The following CPLX4 variants were observed in gnomAD, a reference collection of about 807,000 sequenced individuals.
CPLX4 encodes complexin-4.
A neutral mutation model predicts 16.1 loss-of-function variants in CPLX4; 17 were observed. That is an observed-to-expected ratio of 1.06 (90% CI 0.72 to 1.59). The LOEUF (loss-of-function observed/expected upper bound fraction) is 1.59, where lower values mean the gene tolerates loss of function less well. Among genes scored for constraint, CPLX4 ranks in the 40% most tolerant of loss-of-function variants. CPLX4 has a pLI of 0.00. For missense variants in CPLX4, 193 were observed against 192.9 expected (o/e 1.00, Z 0.00); for synonymous variants, 55 against 57.8 (o/e 0.95, Z 0.22).
Position 59,312,702 on chromosome 18 carries a change from T to C in CPLX4, c.238A>G (p.Lys80Glu). The C allele has an allele frequency of 7.3e-7, 1 of 1,369,340 alleles. No individual in the cohort carries two copies. Among genetic ancestry groups the C allele is most frequent in the Non-Finnish European group, 1.0e-6 (1 of 956,530 alleles). The allele number at this position is 1,369,340 out of a possible 1,614,324, so 84.8% of individuals were successfully genotyped here. The change falls in exon 2 of 3, where the codon AAA becomes GAA. Residue 80 changes from lysine to glutamate, a missense_variant. Lys to Glu is a moderately conservative substitution (Grantham distance 56, BLOSUM62 1). Coordinates refer to ENST00000299721, the MANE Select transcript of CPLX4 (RefSeq NM_181654.4). The part of the protein sequence containing the change: ...RACLRVHLRE[K>E]YRLPKSEMDE... The stretch of plus-strand genomic sequence containing the variant: ...TGTCTTACCTTTGGGAGCCTGTATT[T>C]TTCTCTGAGATGAACTCTGAGGCAT...
intron 2 of CPLX4, among the ~76,000 whole-genome samples, chr18:59,307,632 G>A (rs2070585733): frequency 6.6e-6 from 1 of 152,134 alleles, no homozygotes; most frequent in Non-Finnish European, 1.5e-5. Flanking sequence ...CCTTGGGCTT[G>A]TCAATCACAT....
At position 59,312,754 on chromosome 18, in the gene CPLX4, T is replaced by A. The variant is rs1311373516; in HGVS notation, c.186A>T (p.Ala62=). Residue 62 remains alanine (A), a synonymous_variant, in exon 2 of 3, where the codon GCA becomes GCT. Coordinates refer to ENST00000299721, the MANE Select transcript of CPLX4 (RefSeq NM_181654.4). The part of the protein sequence containing the change: ...MIEEKMERDA[A]FTQKKAERAC... ...CCCTTTCTGCCTTTTTCTGTGTAAA[T>A]GCAGCATCTCTTTCCATCCTAAAAG... The A allele has an allele frequency of 7.1e-7, 1 of 1,403,178 alleles. No individual in the cohort carries two copies. 86.9% of individuals were successfully genotyped at this position (1,403,178 alleles called of 1,614,324 possible). A position where few individuals can be genotyped will look rare whatever the true frequency, so the allele number is the denominator to read the frequency against.
rs752974868 is a variant in CPLX4, at chr18:59,318,146, TAGA to T, written c.167+147_167+149del. 2,695 of 1,354,270 alleles carry T rather than the reference TAGA, an allele frequency of 2.0e-3. 5 individuals are homozygous for T. The highest frequency in any genetic ancestry group is 2.4e-3 in the Non-Finnish European group (2,503 of 1,043,150). 83.9% of individuals were successfully genotyped at this position (1,354,270 alleles called of 1,614,324 possible). A position where few individuals can be genotyped will look rare whatever the true frequency, so the allele number is the denominator to read the frequency against. The stretch of plus-strand genomic sequence containing the variant: ...GCTGATGTTAGGGAACCGTTTACTT[TAGA>T]AGAACAACCTTTCCTTGGGTTAGAG... On this transcript the variant is annotated intron_variant, in intron 1 of 2. Coordinates refer to ENST00000299721, the MANE Select transcript of CPLX4 (RefSeq NM_181654.4).
At chr18:59,298,974 A>T (rs1265929502) in intron 2 of CPLX4, among the ~76,000 whole-genome samples, 1 of 152,160 alleles carries the variant, frequency 6.6e-6, no homozygotes, top group Non-Finnish European at 1.5e-5. Context: ...GACAGTCTTC[A>T]CCCAGGCCCT....
At chr18:59,303,663 C>T (rs972115464) in intron 2 of CPLX4, among the ~76,000 whole-genome samples, 5 of 152,236 alleles carry the variant, frequency 3.3e-5, no homozygotes, top group African/African-American at 7.2e-5. Context: ...TCTGTAAAGG[C>T]GAAGTGATAT....
chr18:59,306,415 C>G (rs796916755), intron 2 of CPLX4, among the ~76,000 whole-genome samples: 7 of 152,346 alleles, frequency 4.6e-5, no homozygotes, highest in African/African-American at 1.7e-4. Flanking sequence ...CAGATTACTG[C>G]AATTTGATTA....
chr18:59,317,330 G>T (rs2070657774), intron 1 of CPLX4, among the ~76,000 whole-genome samples: 1 of 152,040 alleles, frequency 6.6e-6, no homozygotes, highest in Non-Finnish European at 1.5e-5. Context: ...TTAACCTCTA[G>T]ATTGATGTTT....
At chr18:59,317,211 T>C (rs556985713) in intron 1 of CPLX4, among the ~76,000 whole-genome samples, 78 of 152,280 alleles carry the variant, frequency 5.1e-4, no homozygotes, top group African/African-American at 1.4e-3. Flanking sequence ...TTTTCACCTA[T>C]AATCATCTTA....
chr18:59,296,631 A>G lies in CPLX4; in HGVS notation c.*67T>C. 1.3e-6 allele frequency: 2 copies of G among 1,563,008 alleles called. No individual in the cohort carries two copies. Among genetic ancestry groups the G allele is most frequent in the Non-Finnish European group, 1.7e-6 (2 of 1,146,104 alleles). Reference sequence around the variant, plus strand: ...ACTACATTAAAACATGTACTGCTTGAAACGTCCCACAAGAGAGTGGTCTTT... The same window carrying G: ...ACTACATTAAAACATGTACTGCTTGGAACGTCCCACAAGAGAGTGGTCTTT... On this transcript the variant is annotated 3_prime_UTR_variant, in exon 3 of 3. Coordinates refer to ENST00000299721, the MANE Select transcript of CPLX4 (RefSeq NM_181654.4).
At chr18:59,298,745 T>A (rs1397458044) in intron 2 of CPLX4, among the ~76,000 whole-genome samples, 1 of 152,124 alleles carries the variant, frequency 6.6e-6, no homozygotes, top group Non-Finnish European at 1.5e-5. Flanking sequence ...AACTTCATTC[T>A]TCATCTGGAA....
At chr18:59,302,510 T>C (rs2070548824) in intron 2 of CPLX4, among the ~76,000 whole-genome samples, 1 of 152,252 alleles carries the variant, frequency 6.6e-6, no homozygotes, top group South Asian at 2.1e-4. Flanking sequence ...GATCGTCTCA[T>C]TTCTAGAAAT....
rs1266445736 is a variant in CPLX4 at position 59,318,425 on chromosome 18, A to T, written c.38T>A (p.Val13Glu). 6.2e-7 allele frequency: 1 copy of T among 1,613,678 alleles called. No individual in the cohort carries two copies. ...FLMKSMISNQVKNLGFGGGSE... is the reference protein window; with the variant it reads ...FLMKSMISNQEKNLGFGGGSE... ...CCCACCACCAAATCCTAAATTCTTT[A>T]CCTGGTTACTTATCATACTTTTCAT... Residue 13 changes from valine to glutamate, a missense_variant, in exon 1 of 3, where the codon GTA (valine) becomes GAA (glutamate). Val to Glu is a moderately radical substitution (Grantham distance 121). Transcript: ENST00000299721.
At chr18:59,302,223 G>T (rs919866364) in intron 2 of CPLX4, among the ~76,000 whole-genome samples, 2 of 152,236 alleles carry the variant, frequency 1.3e-5, no homozygotes, top group East Asian at 3.8e-4. Context: ...TTGTCCACAC[G>T]TTCTGCTGCC....
chr18:59,307,501 C>T (rs946426388), intron 2 of CPLX4, among the ~76,000 whole-genome samples: 9 of 152,188 alleles, frequency 5.9e-5, no homozygotes, highest in Admixed American at 1.3e-4. Flanking sequence ...TGTTTCCCTC[C>T]GAATACAGCA....
chr18:59,300,627 C>A (rs2070534412), intron 2 of CPLX4, among the ~76,000 whole-genome samples: 1 of 152,168 alleles, frequency 6.6e-6, no homozygotes, highest in African/African-American at 2.4e-5. Context: ...TGGAGAATTG[C>A]ATTATTTGCC....
intron 2 of CPLX4, among the ~76,000 whole-genome samples, chr18:59,302,836 A>T (rs150097173): frequency 1.5e-3 from 230 of 152,356 alleles, no homozygotes; most frequent in African/African-American, 5.3e-3. Context: ...GTCTTCAAAA[A>T]GCTGAGCATT....
intron 2 of CPLX4, among the ~76,000 whole-genome samples, chr18:59,312,425 A>T (rs1042551489): frequency 2.0e-4 from 28 of 138,038 alleles, no homozygotes; most frequent in Middle Eastern, 3.9e-3. Flanking sequence ...ATATATCCTG[A>T]ATATGTGTGT....
At chr18:59,307,753 ATT>A (rs527371314) in intron 2 of CPLX4, among the ~76,000 whole-genome samples, 17,771 of 130,924 alleles carry the variant, frequency 0.14, 2,174 homozygotes, top group African/African-American at 0.33. Flanking sequence ...TGTTTTTCTG[ATT>A]TTTTTTTTTT....
At chr18:59,299,784 G>A (rs959880917) in intron 2 of CPLX4, among the ~76,000 whole-genome samples, 1 of 152,174 alleles carries the variant, frequency 6.6e-6, no homozygotes, top group East Asian at 1.9e-4. Flanking sequence ...GGGTTCTCCA[G>A]GACAACAGCA....
Sources: gnomAD v4.1 joint callset for allele counts (sites outside exome capture counted in the v4.1 genomes callset) on GRCh38, gnomAD v4.1.1 for gene constraint, MANE v1.5 for transcripts, NCBI Gene and HGNC (gene_info 2026-07-23, HGNC 2026-07-21) for gene names.